Variants in NRXN1 observed in about 807,000 individuals in gnomAD.
NRXN1 encodes the protein neurexin 1.
In NRXN1, 39 loss-of-function variants were observed where a neutral mutation model predicts 150.9. The ratio of observed to expected loss-of-function variants is 0.26; its 90% CI spans 0.20 to 0.34. The LOEUF (loss-of-function observed/expected upper bound fraction) is 0.34. Ranked by LOEUF, NRXN1 falls within the 10% of genes least tolerant of loss-of-function variation. The probability of loss-of-function intolerance (pLI) is 1.00; values close to 1 mark genes in which losing one functional copy is unlikely to be tolerated. For missense variants in NRXN1, 1,815 were observed against 1,949.9 expected (o/e 0.93, Z 1.30); for synonymous variants, 924 against 757.0 (o/e 1.22, Z -3.62).
At position 51,029,151 on chromosome 2, in the gene NRXN1, G is replaced by C. The variant is rs1671088355; in HGVS notation, c.-878C>G. On this transcript the variant is annotated 5_prime_UTR_variant, in exon 2 of 23. The change creates a new upstream start codon in the 5' untranslated region. Coordinates refer to ENST00000401669, the MANE Select transcript of NRXN1 (RefSeq NM_001330078.2). ...GCACATCAATTGGTTGTGTGTTGGT[G>C]ATGCATTTTGGTTTTATCTTGTCTT... The C allele has an allele frequency of 2.0e-5, 3 of 152,250 alleles. No homozygotes were observed. Among genetic ancestry groups the C allele is most frequent in the Admixed American group, 2.0e-4 (3 of 15,288 alleles). 9.4% of individuals were successfully genotyped at this position (152,250 alleles called of 1,614,324 possible). A position where few individuals can be genotyped will look rare whatever the true frequency, so the allele number is the denominator to read the frequency against.
At chr2:50,784,934 C>T (rs920918058) in intron 5 of NRXN1, among the ~76,000 whole-genome samples, 1 of 152,050 alleles carries the variant, frequency 6.6e-6, no homozygotes, top group African/African-American at 2.4e-5. Context: ...TAAACTGTAT[C>T]CTCCCCAAAA....
intron 2 of NRXN1, among the ~76,000 whole-genome samples, chr2:50,940,469 A>G (rs1244947012): frequency 8.8e-5 from 13 of 147,326 alleles, no homozygotes; most frequent in African/African-American, 3.0e-4. Context: ...GCAAGACTCC[A>G]TCTCAAAAAA....
chr2:50,239,709 TA>T, intron 17 of NRXN1, among the ~76,000 whole-genome samples: 1 of 97,132 alleles, frequency 1.0e-5, no homozygotes, highest in South Asian at 3.2e-4. Flanking sequence ...TATATATATA[TA>T]TATATTTATG....
chr2:50,780,008 T>C (rs1218207883), intron 5 of NRXN1, among the ~76,000 whole-genome samples: 1 of 152,128 alleles, frequency 6.6e-6, no homozygotes, highest in Non-Finnish European at 1.5e-5. Context: ...TTCCTATTTC[T>C]CCACATCCTC....
intron 21 of NRXN1, among the ~76,000 whole-genome samples, chr2:49,976,671 G>T (rs1032511947): frequency 3.1e-4 from 47 of 152,188 alleles, no homozygotes; most frequent in African/African-American, 1.0e-3. Context: ...TAAAATAAAG[G>T]TTCTGGCAAT....
At chr2:50,887,690 T>C (rs575621809) in intron 5 of NRXN1, among the ~76,000 whole-genome samples, 41 of 151,606 alleles carry the variant, frequency 2.7e-4, no homozygotes, top group Admixed American at 2.2e-3. Flanking sequence ...TTTTTCATAA[T>C]AGCTAATAAC....
intron 17 of NRXN1, among the ~76,000 whole-genome samples, chr2:50,268,307 G>A (rs945847588): frequency 6.6e-6 from 1 of 152,156 alleles, no homozygotes; most frequent in African/African-American, 2.4e-5. Context: ...AAATTGCTTT[G>A]TTCTTTAATT....
chr2:50,021,682 A>C (rs1050999919), intron 21 of NRXN1, among the ~76,000 whole-genome samples: 3 of 152,212 alleles, frequency 2.0e-5, no homozygotes, highest in Non-Finnish European at 4.4e-5. Flanking sequence ...AGAATTTCTC[A>C]AATGTATTCA....
At chr2:50,587,801 G>A (rs1673418329) in intron 8 of NRXN1, among the ~76,000 whole-genome samples, 1 of 152,028 alleles carries the variant, frequency 6.6e-6, no homozygotes, top group African/African-American at 2.4e-5. Context: ...TATAAATGGG[G>A]TTTGTGAAAA....
intron 18 of NRXN1, among the ~76,000 whole-genome samples, chr2:50,234,950 C>A (rs1169112370): frequency 6.6e-6 from 1 of 151,892 alleles, no homozygotes; most frequent in South Asian, 2.1e-4. Context: ...CCACATTTGA[C>A]CAGAATTGGA....
chr2:50,965,740 C>T (rs10169858), intron 2 of NRXN1, among the ~76,000 whole-genome samples: 151,521 of 151,524 alleles, frequency 1, 75,759 homozygotes, highest in Non-Finnish European at 1. Context: ...CTTTTATTCA[C>T]AAATGAATGC....
chr2:50,366,690 C>A (rs1469785290), intron 17 of NRXN1, among the ~76,000 whole-genome samples: 1 of 151,860 alleles, frequency 6.6e-6, no homozygotes, highest in African/African-American at 2.4e-5. Flanking sequence ...CTCCCCCACC[C>A]CACTATTTTT....
chr2:50,912,549 A>T (rs1232776740), intron 5 of NRXN1, among the ~76,000 whole-genome samples: 2 of 151,928 alleles, frequency 1.3e-5, no homozygotes, highest in East Asian at 3.9e-4. Flanking sequence ...ACACTAGACA[A>T]GTATGTTTTA....
rs369801341 is a variant in NRXN1 at position 51,013,764 on chromosome 2, T to C, written c.772+13738A>G. On this transcript the variant is annotated intron_variant, in intron 2 of 22. Transcript: ENST00000401669. ...CTCACATTTATACTAGAATTACAAGTGAATGCTGTTTTCTCTTTCCTTCGG... is the reference window on the plus strand; with the variant it reads ...CTCACATTTATACTAGAATTACAAGCGAATGCTGTTTTCTCTTTCCTTCGG... Among the ~76,000 whole-genome samples the C allele has an allele frequency of 4.6e-5, 7 of 152,156 alleles. No homozygotes were observed. The East Asian group carries it at 7.8e-4, about 17-fold the overall frequency.
At chr2:50,769,612 C>G (rs1391320398) in intron 5 of NRXN1, among the ~76,000 whole-genome samples, 6 of 152,048 alleles carry the variant, frequency 3.9e-5, no homozygotes, top group African/African-American at 1.4e-4. Flanking sequence ...AACCACGGGA[C>G]CCGTTGCCTG....
intron 2 of NRXN1, among the ~76,000 whole-genome samples, chr2:50,931,547 T>C (rs1687747065): frequency 6.6e-6 from 1 of 152,040 alleles, no homozygotes; most frequent in African/African-American, 2.4e-5. Flanking sequence ...ATTAAAAATA[T>C]TTTATATTGT....
chr2:50,947,298 G>A (rs2104549401), intron 2 of NRXN1, among the ~76,000 whole-genome samples: 1 of 152,056 alleles, frequency 6.6e-6, no homozygotes, highest in Admixed American at 6.5e-5. Flanking sequence ...AATGTTTGGT[G>A]AATGAATAAA....
intron 21 of NRXN1, among the ~76,000 whole-genome samples, chr2:50,004,269 T>A (rs1389828645): frequency 1.3e-5 from 2 of 152,072 alleles, no homozygotes; most frequent in African/African-American, 4.8e-5. Context: ...AAAGACTCAT[T>A]TATAATAAAA....
At chr2:50,505,162 C>A (rs2092155645) in intron 13 of NRXN1, among the ~76,000 whole-genome samples, 1 of 152,106 alleles carries the variant, frequency 6.6e-6, no homozygotes, top group Non-Finnish European at 1.5e-5. Context: ...TAGAGCCATA[C>A]ACTTACTAGA....
Sources: gnomAD v4.1 joint callset for allele counts (sites outside exome capture counted in the v4.1 genomes callset) on GRCh38, gnomAD v4.1.1 for gene constraint, MANE v1.5 for transcripts, NCBI Gene and HGNC (gene_info 2026-07-23, HGNC 2026-07-21) for gene names.